ZYG11B: variants seen among roughly 807,000 people sequenced by gnomAD.
ZYG11B encodes the protein protein zyg-11 homolog B.
Under a neutral mutation model 82.4 loss-of-function variants are expected in ZYG11B, and 36 were observed. That is an observed-to-expected ratio of 0.44 (90% CI 0.33 to 0.58). The LOEUF (loss-of-function observed/expected upper bound fraction) is 0.58, where lower values mean the gene tolerates loss of function less well. Among genes scored for constraint, ZYG11B ranks in the 20% least tolerant of loss-of-function variants. The probability of loss-of-function intolerance (pLI) is 0.02; values close to 1 mark genes in which losing one functional copy is unlikely to be tolerated. For synonymous variants in ZYG11B, 303 were observed against 312.8 expected, an observed-to-expected ratio of 0.97 and a Z score of 0.33; for missense variants, 552 against 895.6, an observed-to-expected ratio of 0.62 and a Z score of 4.90.
chr1:52,745,049 A>G (rs1644465055), intron 1 of ZYG11B, among the ~76,000 whole-genome samples: 1 of 152,230 alleles, frequency 6.6e-6, no homozygotes, highest in South Asian at 2.1e-4. Flanking sequence ...CCAAAACATA[A>G]ACCTCATTGC....
chr1:52,816,428 A>G, intron 12 of ZYG11B, 104 bp from the exon 13 acceptor site: 2 of 747,724 alleles, frequency 2.7e-6, no homozygotes. Flanking sequence ...TAGTCTAAAT[A>G]TAATAGGATA....
At chr1:52,737,487 T>C (rs1202255289) in intron 1 of ZYG11B, among the ~76,000 whole-genome samples, 1 of 152,066 alleles carries the variant, frequency 6.6e-6, no homozygotes, top group Non-Finnish European at 1.5e-5. Context: ...TGAACAATAT[T>C]GGCTGGTGGT....
chr1:52,772,493 T>C (rs1571766865), intron 3 of ZYG11B: 1 of 1,600,020 alleles, frequency 6.2e-7, no homozygotes, highest in South Asian at 1.1e-5. Flanking sequence ...CTCTCACGAT[T>C]ACACCGATCT....
rs1303520152 is a variant in ZYG11B at position 52,762,273 on chromosome 1, G to A, written c.196+5650G>A. ...ATGCAGGCTGGAGTACAGTGGTGTG[G>A]TCATGGCTCACTGCAGCCTTAACCC... is the stretch of plus-strand genomic sequence containing the variant. On this transcript the variant is annotated intron_variant, in intron 2 of 13. Coordinates refer to ENST00000294353, the MANE Select transcript of ZYG11B (RefSeq NM_024646.3). 3.3e-5 allele frequency among the ~76,000 whole-genome samples: 5 copies of A among 150,342 alleles called. No homozygotes were observed. In the Admixed American group the frequency reaches 3.3e-4, roughly 10 times the overall value.
chr1:52,790,129 T>G, intron 6 of ZYG11B, 62 bp downstream of exon 6: 1 of 1,220,582 alleles, frequency 8.2e-7, no homozygotes, highest in Non-Finnish European at 1.1e-6. Context: ...CTGTCTTGGG[T>G]CATTTCTTAC....
At chr1:52,818,986 G>A (rs893379926) in intron 13 of ZYG11B, among the ~76,000 whole-genome samples, 1 of 151,958 alleles carries the variant, frequency 6.6e-6, no homozygotes, top group African/African-American at 2.4e-5. Flanking sequence ...TAGAGGCTGG[G>A]TTTCACAATT....
intron 2 of ZYG11B, among the ~76,000 whole-genome samples, chr1:52,759,942 T>C (rs745337496): frequency 6.6e-6 from 1 of 152,170 alleles, no homozygotes; most frequent in Non-Finnish European, 1.5e-5. Flanking sequence ...GCAATTCTTG[T>C]GCCTCAGCCT....
intron 8 of ZYG11B, among the ~76,000 whole-genome samples, chr1:52,800,344 A>T (rs1026082528): frequency 5.3e-5 from 8 of 152,096 alleles, no homozygotes; most frequent in African/African-American, 1.7e-4. Flanking sequence ...AATATAATAT[A>T]CATTAGATAA....
chr1:52,749,207 A>T (rs1430820177), intron 1 of ZYG11B, among the ~76,000 whole-genome samples: 1 of 152,196 alleles, frequency 6.6e-6, no homozygotes, highest in Non-Finnish European at 1.5e-5. Context: ...ATCTCCAAAA[A>T]AATAAACAAA....
intron 8 of ZYG11B, among the ~76,000 whole-genome samples, chr1:52,797,654 G>T (rs895879808): frequency 6.7e-6 from 1 of 148,846 alleles, no homozygotes; most frequent in Non-Finnish European, 1.5e-5. Context: ...GACTACAGGC[G>T]CCTGCCACCA....
chr1:52,763,369 G>GA (rs1644653051), intron 2 of ZYG11B, among the ~76,000 whole-genome samples: 1 of 152,172 alleles, frequency 6.6e-6, no homozygotes, highest in African/African-American at 2.4e-5. Context: ...CATTGCATCT[G>GA]TAGATTGCTT....
chr1:52,757,657 A>C (rs1644591006), intron 2 of ZYG11B, among the ~76,000 whole-genome samples: 1 of 152,088 alleles, frequency 6.6e-6, no homozygotes, highest in Non-Finnish European at 1.5e-5. Flanking sequence ...CCTGGGCGAC[A>C]GAGCAAGACT....
intron 2 of ZYG11B, among the ~76,000 whole-genome samples, chr1:52,766,501 T>C (rs1644691159): frequency 6.6e-6 from 1 of 152,204 alleles, no homozygotes; most frequent in Non-Finnish European, 1.5e-5. Flanking sequence ...TTAACATTTC[T>C]GTTACCTTAC....
intron 1 of ZYG11B, among the ~76,000 whole-genome samples, chr1:52,755,697 G>C (rs771205443): frequency 1.8e-4 from 28 of 151,952 alleles, no homozygotes; most frequent in Non-Finnish European, 4.1e-4. Flanking sequence ...TGGAGACAGG[G>C]TTTCTCCATG....
intron 1 of ZYG11B, among the ~76,000 whole-genome samples, chr1:52,741,321 A>AAAAAT (rs1481484800): frequency 8.0e-6 from 1 of 125,478 alleles, no homozygotes; most frequent in Non-Finnish European, 1.7e-5. Flanking sequence ...AAAAAAAAAG[A>AAAAAT]AAAGAAAAGA....
Position 52,826,093 on chromosome 1 carries a change from A to G in ZYG11B, c.*4464A>G, listed in dbSNP as rs969346963. 1 of 152,182 alleles carries G rather than the reference A, an allele frequency of 6.6e-6. No individual in the cohort carries two copies. The highest frequency in any genetic ancestry group is 2.4e-5 in the African/African-American group (1 of 41,452). The allele number at this position is 152,182 out of a possible 1,614,324, so 9.4% of individuals were successfully genotyped here. On this transcript the variant is annotated 3_prime_UTR_variant, in exon 14 of 14. Transcript: ENST00000294353. Reference sequence around the variant, plus strand: ...TATGTTTACATTATTTCGTTATTATACAATGTAGTGGTATAAACAGTATTA... The same window carrying G: ...TATGTTTACATTATTTCGTTATTATGCAATGTAGTGGTATAAACAGTATTA...
Position 52,803,253 on chromosome 1 carries a change from TATATATATATATACACACACACACAC to T in ZYG11B, c.1695+1128_1695+1153del, listed in dbSNP as rs1242632437. Among the ~76,000 whole-genome samples the T allele has an allele frequency of 1.8e-3, 148 of 80,228 alleles. 6 individuals carry two copies. The highest frequency in any genetic ancestry group is 7.8e-3 in the African/African-American group (138 of 17,712). The allele number at this position is 80,228 out of a possible 152,430, so 52.6% of individuals were successfully genotyped here. A position where few individuals can be genotyped will look rare whatever the true frequency, so the allele number is the denominator to read the frequency against. On this transcript the variant is annotated intron_variant, in intron 10 of 13. Transcript: ENST00000294353. ...ACATATATATATACACACACACATA[TATATATATATATACACACACACACAC>T]ATATATATATATATATATACACATA...
At chr1:52,788,894 T>C (rs1644934370) in intron 5 of ZYG11B, among the ~76,000 whole-genome samples, 1 of 152,198 alleles carries the variant, frequency 6.6e-6, no homozygotes, top group Non-Finnish European at 1.5e-5. Context: ...CCTTTCTTAC[T>C]TCTATGGATC....
At chr1:52,779,673 A>G (rs1055266559) in intron 3 of ZYG11B, among the ~76,000 whole-genome samples, 180 bp from the exon 4 acceptor site, 1 of 152,156 alleles carries the variant, frequency 6.6e-6, no homozygotes, top group Admixed American at 6.6e-5. Flanking sequence ...TATTTTTAGT[A>G]GAGATGGAGT....
Sources: gnomAD v4.1 joint callset for allele counts (sites outside exome capture counted in the v4.1 genomes callset) on GRCh38, gnomAD v4.1.1 for gene constraint, MANE v1.5 for transcripts, NCBI Gene and HGNC (gene_info 2026-07-23, HGNC 2026-07-21) for gene names.